The following MYLK variants were observed in gnomAD, a reference collection of about 807,000 sequenced individuals.
The protein encoded by MYLK is myosin light chain kinase, smooth muscle.
MYLK carries 106 observed loss-of-function variants against 203.4 expected under a neutral mutation model. The observed-to-expected ratio is 0.52, with a 90% CI of 0.45 to 0.61. The LOEUF is 0.61. MYLK is among the 20% of genes least tolerant of loss of function. The pLI, the probability that MYLK is intolerant of heterozygous loss-of-function variation, is 0.00. For synonymous variants in MYLK, 867 were observed against 959.5 expected (o/e 0.90, Z 1.78); for missense variants, 2,072 against 2,442.3 (o/e 0.85, Z 3.20).
At chr3:123,662,408 G>T (rs2059592225) in intron 23 of MYLK, among the ~76,000 whole-genome samples, 1 of 152,152 alleles carries the variant, frequency 6.6e-6, no homozygotes, top group African/African-American at 2.4e-5. Flanking sequence ...GAGAAAAACT[G>T]CTTGAGAACT....
At chr3:123,834,083 G>A (rs543050487) in intron 2 of MYLK, among the ~76,000 whole-genome samples, 5 of 152,206 alleles carry the variant, frequency 3.3e-5, no homozygotes, top group Admixed American at 2.6e-4. Flanking sequence ...TTGCTCTGTC[G>A]CCCAGGCTGG....
chr3:123,709,053 C>T (rs780939187), intron 14 of MYLK, 158 bp from the exon 15 acceptor site: 3 of 628,442 alleles, frequency 4.8e-6, no homozygotes, highest in Non-Finnish European at 5.5e-6. Flanking sequence ...CAGGATCTAC[C>T]TCATGGGTTT....
At chr3:123,690,577 C>A (rs796663550) in intron 19 of MYLK, among the ~76,000 whole-genome samples, 40 of 152,232 alleles carry the variant, frequency 2.6e-4, no homozygotes, top group African/African-American at 9.4e-4. Context: ...GTCAAAGTGA[C>A]AACAGTCCTT....
At chr3:123,723,651 C>T (rs1446945139) in intron 12 of MYLK, among the ~76,000 whole-genome samples, 1 of 152,208 alleles carries the variant, frequency 6.6e-6, no homozygotes, top group Non-Finnish European at 1.5e-5. Flanking sequence ...TGGCTCAGGG[C>T]ACATCAGAAT....
chr3:123,665,023 G>A (rs1576476808), intron 22 of MYLK, among the ~76,000 whole-genome samples: 1 of 152,210 alleles, frequency 6.6e-6, no homozygotes, highest in East Asian at 1.9e-4. Flanking sequence ...GATGATGAAA[G>A]TATTCTAGAA....
chr3:123,686,929 G>A (rs189912615), intron 19 of MYLK, among the ~76,000 whole-genome samples: 29 of 152,296 alleles, frequency 1.9e-4, no homozygotes, highest in Admixed American at 1.8e-3. Flanking sequence ...ATGATTTAAA[G>A]AATAAATGTG....
At chr3:123,708,630 T>A in intron 15 of MYLK, 68 bp downstream of exon 15, 4 of 1,592,312 alleles carry the variant, frequency 2.5e-6, no homozygotes, top group Non-Finnish European at 3.4e-6. Context: ...TTTCCTTGCC[T>A]CCAAATCACT....
intron 3 of MYLK, among the ~76,000 whole-genome samples, chr3:123,798,757 A>T (rs949740326): frequency 1.3e-5 from 2 of 152,156 alleles, no homozygotes; most frequent in South Asian, 4.1e-4. Context: ...GGACAGGACC[A>T]GAGCCCAGCC....
At chr3:123,713,577 C>T (rs1397631960) in intron 13 of MYLK, among the ~76,000 whole-genome samples, 3 of 110,328 alleles carry the variant, frequency 2.7e-5, no homozygotes, top group Non-Finnish European at 5.6e-5. Context: ...AAGAGCAACA[C>T]AATGTGTGTG....
chr3:123,779,242 G>A (rs2064197385), intron 4 of MYLK, among the ~76,000 whole-genome samples: 1 of 152,216 alleles, frequency 6.6e-6, no homozygotes, highest in Admixed American at 6.5e-5. Context: ...GGGGATGGTG[G>A]CCTGGGAACC....
chr3:123,763,130 T>C (rs965275084), intron 4 of MYLK, among the ~76,000 whole-genome samples: 1 of 152,222 alleles, frequency 6.6e-6, no homozygotes, highest in Non-Finnish European at 1.5e-5. Flanking sequence ...TTACAATAAA[T>C]ATCTTGAACT....
intron 4 of MYLK, among the ~76,000 whole-genome samples, chr3:123,780,207 G>A (rs2064240736): frequency 1.3e-5 from 2 of 152,172 alleles, no homozygotes; most frequent in African/African-American, 4.8e-5. Context: ...GCCTAGGTGG[G>A]TGGATCACCT....
intron 16 of MYLK, among the ~76,000 whole-genome samples, chr3:123,707,150 G>A (rs1426983439): frequency 1.3e-5 from 2 of 152,144 alleles, no homozygotes; most frequent in Admixed American, 6.5e-5. Context: ...ACAACGCAAG[G>A]AGCTGAGTCC....
intron 18 of MYLK, among the ~76,000 whole-genome samples, chr3:123,697,231 A>T (rs2060966222): frequency 1.3e-5 from 2 of 152,200 alleles, no homozygotes; most frequent in Non-Finnish European, 1.5e-5. Context: ...TTTTTTCCTT[A>T]ACAAAACACT....
intron 19 of MYLK, among the ~76,000 whole-genome samples, chr3:123,690,631 A>T (rs964933982): frequency 6.6e-6 from 1 of 152,132 alleles, no homozygotes; most frequent in Non-Finnish European, 1.5e-5. Flanking sequence ...ATAAAGCTAA[A>T]TGTGGGCAAA....
At chr3:123,803,004 T>C (rs967379354) in intron 3 of MYLK, among the ~76,000 whole-genome samples, 4 of 152,170 alleles carry the variant, frequency 2.6e-5, no homozygotes, top group Non-Finnish European at 2.9e-5. Flanking sequence ...TTAAACCCTA[T>C]GAGATGAGGT....
chr3:123,803,340 A>G (rs1435852629), intron 3 of MYLK, among the ~76,000 whole-genome samples: 1 of 152,202 alleles, frequency 6.6e-6, no homozygotes, highest in Non-Finnish European at 1.5e-5. Context: ...TTTCTGTCAG[A>G]GGCTCAGAGA....
chr3:123,797,439 C>T (rs925402508), intron 3 of MYLK, among the ~76,000 whole-genome samples: 2 of 151,992 alleles, frequency 1.3e-5, no homozygotes, highest in Non-Finnish European at 2.9e-5. Context: ...GTTTGTGTGG[C>T]GACCGTAGAA....
chr3:123,619,007 T>C (rs1356271060), intron 32 of MYLK, among the ~76,000 whole-genome samples: 1 of 152,212 alleles, frequency 6.6e-6, no homozygotes, highest in Non-Finnish European at 1.5e-5. Context: ...CCCTTCCCCT[T>C]ATGCTGACAT....
Sources: gnomAD v4.1 joint callset for allele counts (sites outside exome capture counted in the v4.1 genomes callset) on GRCh38, gnomAD v4.1.1 for gene constraint, MANE v1.5 for transcripts, NCBI Gene and HGNC (gene_info 2026-07-23, HGNC 2026-07-21) for gene names.